NDUFAF2: variants seen among roughly 807,000 people sequenced by gnomAD.
NDUFAF2 encodes NADH dehydrogenase [ubiquinone] 1 alpha subcomplex assembly factor 2.
In NDUFAF2, 13 loss-of-function variants were observed where a neutral mutation model predicts 22.8. That is an observed-to-expected ratio of 0.57 (90% CI 0.37 to 0.91). NDUFAF2 has a LOEUF of 0.91. Ranked by LOEUF, NDUFAF2 falls within the 40% of genes least tolerant of loss-of-function variation. The pLI, the probability that NDUFAF2 is intolerant of heterozygous loss-of-function variation, is 0.01. For synonymous variants in NDUFAF2, 53 were observed against 64.2 expected (o/e 0.83, Z 0.84); for missense variants, 162 against 195.2 (o/e 0.83, Z 1.01).
chr5:61,131,004 T>A (rs1194660460), intron 3 of NDUFAF2, among the ~76,000 whole-genome samples: 1 of 152,082 alleles, frequency 6.6e-6, no homozygotes, highest in African/African-American at 2.4e-5. Flanking sequence ...GATGAAAAGA[T>A]TGACAAATTT....
intron 3 of NDUFAF2, among the ~76,000 whole-genome samples, chr5:61,135,151 A>G (rs1006521112): frequency 1.3e-5 from 2 of 152,052 alleles, no homozygotes; most frequent in African/African-American, 4.8e-5. Flanking sequence ...AAAAAAAAAA[A>G]AGCATATTTC....
intron 3 of NDUFAF2, among the ~76,000 whole-genome samples, chr5:61,106,175 ACT>A (rs991970779): frequency 6.6e-6 from 1 of 151,324 alleles, no homozygotes; most frequent in African/African-American, 2.5e-5. Flanking sequence ...ATTGAGTCAA[ACT>A]CTGTTGGGGA....
At chr5:61,099,725 A>G (rs1267869041) in intron 3 of NDUFAF2, among the ~76,000 whole-genome samples, 1 of 152,102 alleles carries the variant, frequency 6.6e-6, no homozygotes, top group East Asian at 1.9e-4. Flanking sequence ...TCATAAAAGG[A>G]GAGTCTCTAA....
At chr5:61,134,929 A>G (rs1740895684) in intron 3 of NDUFAF2, among the ~76,000 whole-genome samples, 3 of 152,200 alleles carry the variant, frequency 2.0e-5, no homozygotes, top group East Asian at 3.9e-4. Flanking sequence ...TATTCCAAGG[A>G]CAAAAAGAAA....
At chr5:60,947,032 A>G (rs1750470494) in intron 1 of NDUFAF2, among the ~76,000 whole-genome samples, 1 of 152,202 alleles carries the variant, frequency 6.6e-6, no homozygotes, top group Admixed American at 6.5e-5. Context: ...AAGCTGAAGG[A>G]CATTAGGATG....
chr5:60,982,862 G>A (rs578108757), intron 1 of NDUFAF2, among the ~76,000 whole-genome samples: 4 of 152,114 alleles, frequency 2.6e-5, no homozygotes, highest in East Asian at 1.9e-4. Context: ...ATAAACATAC[G>A]TGTGCATGTG....
At chr5:60,989,547 A>G (rs1303897430) in intron 1 of NDUFAF2, among the ~76,000 whole-genome samples, 1 of 152,212 alleles carries the variant, frequency 6.6e-6, no homozygotes, top group Non-Finnish European at 1.5e-5. Flanking sequence ...GTGTATATAC[A>G]CCATGAAATA....
intron 3 of NDUFAF2, among the ~76,000 whole-genome samples, chr5:61,111,422 C>T (rs1024239843): frequency 6.6e-6 from 1 of 151,848 alleles, no homozygotes; most frequent in African/African-American, 2.4e-5. Context: ...GTTGAAGTCT[C>T]CAGTTATTTA....
At chr5:60,982,185 T>C (rs1222661830) in intron 1 of NDUFAF2, among the ~76,000 whole-genome samples, 1 of 152,164 alleles carries the variant, frequency 6.6e-6, no homozygotes, top group Admixed American at 6.5e-5. Flanking sequence ...TCACTGATTA[T>C]ATTAGTCTGT....
chr5:61,132,478 G>A (rs574307033), intron 3 of NDUFAF2, among the ~76,000 whole-genome samples: 2 of 151,908 alleles, frequency 1.3e-5, no homozygotes, highest in South Asian at 4.2e-4. Flanking sequence ...GAACATCGCT[G>A]AGCCTCTCTT....
intron 3 of NDUFAF2, among the ~76,000 whole-genome samples, chr5:61,148,685 G>T (rs946397692): frequency 6.6e-6 from 1 of 152,108 alleles, no homozygotes; most frequent in Non-Finnish European, 1.5e-5. Flanking sequence ...GGTAAAACTG[G>T]GATTTGTATT....
chr5:61,107,090 CAT>C lies in NDUFAF2; in HGVS notation c.258+8063_258+8064del, dbSNP rs1554083322. On this transcript the variant is annotated intron_variant, in intron 3 of 3. Transcript: ENST00000296597. ...ACACACACACACACACACACACACA[CAT>C]ATATGCCTAGCAGTAGAATTGCTAG... 2.7e-4 allele frequency among the ~76,000 whole-genome samples: 40 copies of C among 146,044 alleles called. 1 individual carries two copies. Among genetic ancestry groups the C allele is most frequent in the African/African-American group, 1.1e-4 (4 of 37,762 alleles).
rs138511749 is a variant in NDUFAF2, at chr5:61,038,088, A to AAGAGAGAG, written c.128-35016_128-35009dup. 3.8e-3 allele frequency among the ~76,000 whole-genome samples: 299 copies of AAGAGAGAG among 77,812 alleles called. 1 individual carries two copies. Among genetic ancestry groups the AAGAGAGAG allele is most frequent in the African/African-American group, 5.6e-3 (107 of 18,992 alleles). The allele number at this position is 77,812 out of a possible 152,430, so 51.0% of individuals were successfully genotyped here. A position where few individuals can be genotyped will look rare whatever the true frequency, so the allele number is the denominator to read the frequency against. On this transcript the variant is annotated intron_variant, in intron 1 of 3. Transcript: ENST00000296597. ...GGGGTGGGAGGGAGGGAGGCGGGGG[A>AAGAGAGAG]AGAGAGAGAGAGAGAGAGAGAGAGA...
At chr5:61,141,606 A>G (rs1270720574) in intron 3 of NDUFAF2, among the ~76,000 whole-genome samples, 1 of 152,146 alleles carries the variant, frequency 6.6e-6, no homozygotes, top group East Asian at 1.9e-4. Context: ...AAGAATAGGA[A>G]CTAGGTTTTA....
intron 1 of NDUFAF2, among the ~76,000 whole-genome samples, chr5:61,023,078 T>G (rs1395012017): frequency 1.3e-5 from 2 of 152,202 alleles, no homozygotes; most frequent in African/African-American, 2.4e-5. Context: ...TTGGAAAATG[T>G]CAGCCACTGT....
At chr5:61,121,364 G>A (rs1453762822) in intron 3 of NDUFAF2, among the ~76,000 whole-genome samples, 1 of 152,062 alleles carries the variant, frequency 6.6e-6, no homozygotes, top group Non-Finnish European at 1.5e-5. Context: ...TTTTGAATCT[G>A]TGTAATACAT....
chr5:60,985,824 C>G (rs1397622371), intron 1 of NDUFAF2, among the ~76,000 whole-genome samples: 2 of 152,142 alleles, frequency 1.3e-5, no homozygotes, highest in African/African-American at 4.8e-5. Context: ...AATCACCTCC[C>G]CACTGGGTTC....
At chr5:60,981,777 T>C (rs780603559) in intron 1 of NDUFAF2, among the ~76,000 whole-genome samples, 39 of 152,196 alleles carry the variant, frequency 2.6e-4, no homozygotes, top group South Asian at 6.2e-4. Flanking sequence ...ATGAACACAA[T>C]AGAGAATCCA....
At chr5:61,011,331 A>C (rs1751440295) in intron 1 of NDUFAF2, among the ~76,000 whole-genome samples, 1 of 152,124 alleles carries the variant, frequency 6.6e-6, no homozygotes, top group African/African-American at 2.4e-5. Flanking sequence ...ATCTAGACTC[A>C]ACCAATGAGA....
Sources: gnomAD v4.1 joint callset for allele counts (sites outside exome capture counted in the v4.1 genomes callset) on GRCh38, gnomAD v4.1.1 for gene constraint, MANE v1.5 for transcripts, NCBI Gene and HGNC (gene_info 2026-07-23, HGNC 2026-07-21) for gene names.